The following KIF11 variants were observed in gnomAD, a reference collection of about 807,000 sequenced individuals.
KIF11 encodes the protein kinesin family member 11, also known as kinesin-like protein KIF11.
A neutral mutation model predicts 121.0 loss-of-function variants in KIF11; 9 were observed. The ratio of observed to expected loss-of-function variants is 0.07; its 90% CI spans 0.04 to 0.13. The LOEUF (loss-of-function observed/expected upper bound fraction) is 0.13, where lower values mean the gene tolerates loss of function less well. Among genes scored for constraint, KIF11 ranks in the 10% least tolerant of loss-of-function variants. KIF11 has a pLI of 1.00. For synonymous variants in KIF11, 408 were observed against 421.0 expected, an observed-to-expected ratio of 0.97 and a Z score of 0.38; for missense variants, 846 against 1,217.5, an observed-to-expected ratio of 0.69 and a Z score of 4.54.
intron 14 of KIF11, among the ~76,000 whole-genome samples, chr10:92,636,903 C>A (rs1412984855): frequency 2.0e-5 from 3 of 149,936 alleles, no homozygotes; most frequent in Non-Finnish European, 4.5e-5. Context: ...TGTGGTGGCT[C>A]ACACCTATAA....
intron 10 of KIF11, 69 bp downstream of exon 10, chr10:92,621,542 A>G (rs190637743): frequency 9.3e-5 from 84 of 902,760 alleles, no homozygotes; most frequent in Admixed American, 5.6e-4. Context: ...TTGAAGTAAA[A>G]CTTATGTAGC....
intron 12 of KIF11, among the ~76,000 whole-genome samples, chr10:92,631,665 AT>A (rs1444943406): frequency 1.5e-5 from 2 of 135,274 alleles, no homozygotes; most frequent in Non-Finnish European, 3.2e-5. Flanking sequence ...CCGGCCTTTA[AT>A]TTTTTATTAG....
intron 21 of KIF11, among the ~76,000 whole-genome samples, chr10:92,651,507 GTTTTTTTTTTTTTTTTTTTTTTT>G (rs1175303233): frequency 8.7e-4 from 46 of 52,976 alleles, no homozygotes; most frequent in Middle Eastern, 0.019. Context: ...GGCTAATTTT[GTTTTTTTTTTTTTTTTTTTTTTT>G]TTTTTTTTTT....
chr10:92,597,637 G>GGTTTGTTTGTTT (rs199828144), intron 1 of KIF11, among the ~76,000 whole-genome samples: 7 of 150,872 alleles, frequency 4.6e-5, no homozygotes, highest in African/African-American at 1.7e-4. Context: ...TTTTCCCTTG[G>GGTTTGTTTGTTT]GTTTGTTTGT....
At chr10:92,619,923 G>A (rs192323497) in intron 9 of KIF11, among the ~76,000 whole-genome samples, 42 of 151,470 alleles carry the variant, frequency 2.8e-4, no homozygotes, top group Admixed American at 1.6e-3. Flanking sequence ...ATCTTTTGAC[G>A]TGTTCCTCTG....
intron 20 of KIF11, 72 bp from the exon 21 acceptor site, chr10:92,650,329 C>G (rs1472979866): frequency 3.5e-6 from 3 of 846,116 alleles, no homozygotes; most frequent in East Asian, 2.4e-5. Flanking sequence ...GTGTTATACT[C>G]AAAGCTGCTG....
At chr10:92,634,444 A>AT (rs559418906) in intron 14 of KIF11, among the ~76,000 whole-genome samples, 43 of 144,732 alleles carry the variant, frequency 3.0e-4, no homozygotes, top group Non-Finnish European at 3.2e-4. Context: ...TAATTTTCGT[A>AT]TTTTTTTTTA....
At position 92,613,184 on chromosome 10, in the gene KIF11, C is replaced by T; in HGVS notation, c.789+54C>T. The T allele has an allele frequency of 1.4e-6, 2 of 1,399,566 alleles. No individual in the cohort carries two copies. Among genetic ancestry groups the T allele is most frequent in the African/African-American group, 2.9e-5 (2 of 69,488 alleles). 86.7% of individuals were successfully genotyped at this position (1,399,566 alleles called of 1,614,324 possible). On this transcript the variant is annotated intron_variant, in intron 7 of 21. Transcript: ENST00000260731. This position sits in a 1 kb window ranked among gnomAD's most constrained non-coding sequence, Gnocchi z 4.2. ...CACTCTTAAACACCTTATAGAGCAG[C>T]TTGAAATTTTGTCCTTGAGACAAAA...
intron 6 of KIF11, among the ~76,000 whole-genome samples, chr10:92,612,522 C>G (rs75729489): frequency 6.6e-6 from 1 of 152,104 alleles, no homozygotes; most frequent in Non-Finnish European, 1.5e-5. Context: ...AGTAATCATG[C>G]TGTTTACTAT....
rs12244809 is a variant in KIF11, at chr10:92,607,078, G to T, written c.309-81G>T. The T allele has an allele frequency of 0.037, 31,373 of 843,060 alleles. 1,831 individuals carry two copies. Among genetic ancestry groups the T allele is most frequent in the African/African-American group, 0.22 (12,686 of 58,420 alleles). 52.2% of individuals were successfully genotyped at this position (843,060 alleles called of 1,614,324 possible). On this transcript the variant is annotated intron_variant, in intron 3 of 21. Coordinates refer to ENST00000260731, the MANE Select transcript of KIF11 (RefSeq NM_004523.4). ...AGGCTTGAGCCACTGTGCCTGGCTTGTTTTTTGTTTTTCTAGTCTATCACT... is the reference window on the plus strand; with the variant it reads ...AGGCTTGAGCCACTGTGCCTGGCTTTTTTTTTGTTTTTCTAGTCTATCACT...
chr10:92,637,453 C>A lies in KIF11; in HGVS notation c.2068C>A (p.Gln690Lys). 1 of 1,604,976 alleles carries A rather than the reference C, an allele frequency of 6.2e-7. No individual in the cohort carries two copies. The change falls in exon 16 of 22, where the codon CAA (glutamine) becomes AAA (lysine). Residue 690 changes from glutamine to lysine, a missense_variant. Physicochemically the swap from Gln to Lys is moderately conservative, Grantham distance 53. Around this residue, in one of 5 missense-constraint regions of KIF11, gnomAD observed 492 missense variants for 603.4 expected, o/e 0.82. Coordinates refer to ENST00000260731, the MANE Select transcript of KIF11 (RefSeq NM_004523.4). ...SILCNNLHEL[Q>K]ENTICSLVES... ...ACTGTGTAACAATCTACATGAACTA[C>A]AAGAAAATACCATTTGTTCCTTGGT...
chr10:92,648,333 A>G lies in KIF11; in HGVS notation c.2669A>G (p.Lys890Arg). ...GATCAGATGACTATTGATGAAGATA[A>G]ATTGATAGCACAAAATCTAGAACTT... ...FLDQMTIDED[K>R]LIAQNLELNE... is the part of the protein sequence containing the mutation. Residue 890 changes from lysine (K) to arginine (R), a missense_variant, in exon 19 of 22, where the codon AAA becomes AGA. By Grantham distance (26) the Lys-to-Arg change is conservative. Around this residue, in one of 5 missense-constraint regions of KIF11, gnomAD observed 492 missense variants for 603.4 expected, o/e 0.82. Transcript: ENST00000260731. 6.2e-7 allele frequency: 1 copy of G among 1,612,816 alleles called. No homozygotes were observed.
rs1175303233 is a variant in KIF11 at position 92,651,507 on chromosome 10, GTTT to G, written c.3039+1029_3039+1031del. On this transcript the variant is annotated intron_variant, in intron 21 of 21. Coordinates refer to ENST00000260731, the MANE Select transcript of KIF11 (RefSeq NM_004523.4). Reference sequence around the variant, plus strand: ...TGTGCCACCATGCCTGGCTAATTTTGTTTTTTTTTTTTTTTTTTTTTTTTTTTT... The same window carrying G: ...TGTGCCACCATGCCTGGCTAATTTTGTTTTTTTTTTTTTTTTTTTTTTTTT... 1.3e-3 allele frequency among the ~76,000 whole-genome samples: 68 copies of G among 52,966 alleles called. 7 individuals are homozygous for G. The highest frequency in any genetic ancestry group is 6.8e-3 in the South Asian group (7 of 1,032). The allele number at this position is 52,966 out of a possible 152,430, so 34.7% of individuals were successfully genotyped here.
At position 92,654,872 on chromosome 10, in the gene KIF11, A is replaced by G. The variant is rs767626088; in HGVS notation, c.*1076A>G. 11 of 152,440 alleles carry G rather than the reference A, an allele frequency of 7.2e-5. No individual in the cohort carries two copies. The highest frequency in any genetic ancestry group is 1.6e-4 in the Non-Finnish European group (11 of 68,012). The allele number at this position is 152,440 out of a possible 1,614,324, so 9.4% of individuals were successfully genotyped here. On this transcript the variant is annotated 3_prime_UTR_variant, in exon 22 of 22. Coordinates refer to ENST00000260731, the MANE Select transcript of KIF11 (RefSeq NM_004523.4). Reference sequence around the variant, plus strand: ...ATCTGACTAATGGCTCTGTGCCCACACTCCAAGACCTGTGCCTTTTAGAGA... The same window carrying G: ...ATCTGACTAATGGCTCTGTGCCCACGCTCCAAGACCTGTGCCTTTTAGAGA...
chr10:92,646,211 C>T (rs1261441668), intron 18 of KIF11, among the ~76,000 whole-genome samples: 1 of 152,130 alleles, frequency 6.6e-6, no homozygotes, highest in Non-Finnish European at 1.5e-5. Context: ...CTCGGCCTCC[C>T]AAAGTGCTGG....
Position 92,613,360 on chromosome 10 carries a change from T to C in KIF11, c.790-17T>C. 1 of 1,539,674 alleles carries C rather than the reference T, an allele frequency of 6.5e-7. No individual in the cohort carries two copies. The highest frequency in any genetic ancestry group is 8.8e-7 in the Non-Finnish European group (1 of 1,137,466). On this transcript the variant is annotated splice_polypyrimidine_tract_variant and intron_variant, in intron 7 of 21. Transcript: ENST00000260731. This position sits in a 1 kb window ranked among gnomAD's most constrained non-coding sequence, Gnocchi z 4.2. ...ATCCAATAGACTCACTTTTTATTTT[T>C]ATTTTTAAAATTAAAGGTTGATCTT...
Position 92,613,640 on chromosome 10 carries a change from C to G in KIF11, c.1032+21C>G. 3 of 1,591,982 alleles carry G rather than the reference C, an allele frequency of 1.9e-6. No individual in the cohort carries two copies. Among genetic ancestry groups the G allele is most frequent in the Non-Finnish European group, 2.6e-6 (3 of 1,170,488 alleles). On this transcript the variant is annotated intron_variant, in intron 8 of 21. Coordinates refer to ENST00000260731, the MANE Select transcript of KIF11 (RefSeq NM_004523.4). This position sits in a 1 kb window ranked among gnomAD's most constrained non-coding sequence, Gnocchi z 4.2. ...TTGAGGTAAGCCCTTTGAAAGGAAG[C>G]TGCAAGTGTAGTAGCTGTAATTCTT... is the stretch of plus-strand genomic sequence containing the variant.
At chr10:92,640,777 G>T (rs781413341) in intron 17 of KIF11, among the ~76,000 whole-genome samples, 10 of 150,766 alleles carry the variant, frequency 6.6e-5, no homozygotes, top group Non-Finnish European at 1.0e-4. Context: ...CTGTAGCCCA[G>T]GCTGAAGTAC....
intron 9 of KIF11, 91 bp from the exon 10 acceptor site, chr10:92,621,294 A>G: frequency 1.6e-6 from 1 of 639,222 alleles, no homozygotes; most frequent in Non-Finnish European, 2.7e-6. Flanking sequence ...AGACATAAAA[A>G]GGCTAACTTT....
Sources: gnomAD v4.1 joint callset for allele counts (sites outside exome capture counted in the v4.1 genomes callset) on GRCh38, gnomAD v4.1.1 for gene constraint, gnomAD v4.1.1 regional missense constraint, Gnocchi (gnomAD v3.1) non-coding constraint, MANE v1.5 for transcripts, NCBI Gene and HGNC (gene_info 2026-07-23, HGNC 2026-07-21) for gene names.